Variants in CACNA2D4 observed in about 807,000 individuals in gnomAD.
CACNA2D4 encodes calcium voltage-gated channel auxiliary subunit alpha2delta 4, also known as voltage-dependent calcium channel subunit alpha-2/delta-4.
In CACNA2D4, 157 loss-of-function variants were observed where a neutral mutation model predicts 163.8. The observed-to-expected ratio is 0.96, with a 90% CI of 0.84 to 1.09. The LOEUF (loss-of-function observed/expected upper bound fraction) is 1.09. CACNA2D4 is among the 50% of genes least tolerant of loss of function. The pLI is 0.00. For missense variants in CACNA2D4, 1,410 were observed against 1,479.9 expected (o/e 0.95, Z 0.78); for synonymous variants, 598 against 586.9 (o/e 1.02, Z -0.27).
In CACNA2D4 at chr12:1,875,892, A is replaced by T. The variant is rs1206577149; in HGVS notation, c.1720-555T>A. Among the ~76,000 whole-genome samples the T allele has an allele frequency of 6.6e-6, 1 of 152,132 alleles. No homozygotes were observed. Among genetic ancestry groups the T allele is most frequent in the Non-Finnish European group, 1.5e-5 (1 of 68,004 alleles). On this transcript the variant is annotated intron_variant, in intron 16 of 37. Transcript: ENST00000382722. The surrounding 1 kb of genome is among the most constrained non-coding windows in gnomAD (Gnocchi z 4.0). ...CCCAGGACAAAAGCCAACCTTCCAA[A>T]TGGGGTCTGACCAGTGTGGCGTGGG... is the stretch of plus-strand genomic sequence containing the variant.
intron 6 of CACNA2D4, among the ~76,000 whole-genome samples, chr12:1,905,709 A>G (rs1866644490): frequency 6.6e-6 from 1 of 152,214 alleles, no homozygotes; most frequent in Admixed American, 6.5e-5. Context: ...GGACAGAAAT[A>G]ATGGAAACAC....
At chr12:1,825,711 T>A (rs1054659626) in intron 26 of CACNA2D4, among the ~76,000 whole-genome samples, 11 of 152,236 alleles carry the variant, frequency 7.2e-5, no homozygotes, top group Admixed American at 5.9e-4. Context: ...CAAGCACAGG[T>A]CTGGGAGGCC....
rs750113466 is a variant in CACNA2D4, at chr12:1,831,376, C to G, written c.2551+9363G>C. On this transcript the variant is annotated intron_variant, in intron 26 of 37. Coordinates refer to ENST00000382722, the MANE Select transcript of CACNA2D4 (RefSeq NM_172364.5). Reference sequence around the variant, plus strand: ...GGGCTCCTGGCTCTGCGCTCCCTCTCGCTTCGCTCCAACCGTCTGCAGAAT... The same window carrying G: ...GGGCTCCTGGCTCTGCGCTCCCTCTGGCTTCGCTCCAACCGTCTGCAGAAT... 8.4e-5 allele frequency: 136 copies of G among 1,613,910 alleles called. No homozygotes were observed. Among genetic ancestry groups the G allele is most frequent in the Non-Finnish European group, 1.1e-4 (133 of 1,180,044 alleles).
In CACNA2D4 at chr12:1,909,956, C is replaced by T. The variant is rs372717625; in HGVS notation, c.436G>A (p.Glu146Lys). Residue 146 changes from glutamate to lysine, a missense_variant, in exon 4 of 38, where the codon GAA (glutamate) becomes AAA (lysine). Coordinates refer to ENST00000382722, the MANE Select transcript of CACNA2D4 (RefSeq NM_172364.5). ...RKVEAVQNLV[E>K]AAEEADLNHE... ...TTCAGGTCGGCCTCCTCGGCAGCTT[C>T]CACCAGATTCTGAGGGATGGGAACA... is the stretch of plus-strand genomic sequence containing the variant. 6.2e-7 allele frequency: 1 copy of T among 1,613,598 alleles called. No homozygotes were observed. The highest frequency in any genetic ancestry group is 8.5e-7 in the Non-Finnish European group (1 of 1,179,716).
At chr12:1,819,361 G>A (rs1864003231) in intron 26 of CACNA2D4, among the ~76,000 whole-genome samples, 1 of 152,194 alleles carries the variant, frequency 6.6e-6, no homozygotes, top group African/African-American at 2.4e-5. Flanking sequence ...GCCTTGTGCT[G>A]CCCGGGGACC....
intron 29 of CACNA2D4, among the ~76,000 whole-genome samples, chr12:1,803,179 C>T (rs1863396973): frequency 6.6e-6 from 1 of 152,252 alleles, no homozygotes. Context: ...GTCTGGGTGC[C>T]CACCTGGGGC....
chr12:1,810,883 T>A (rs2154445827), intron 27 of CACNA2D4, among the ~76,000 whole-genome samples: 1 of 152,338 alleles, frequency 6.6e-6, no homozygotes, highest in East Asian at 1.9e-4. Flanking sequence ...GCATGTGGTA[T>A]GTGGCCTGCG....
chr12:1,908,049 G>A lies in CACNA2D4; in HGVS notation c.487-12C>T, dbSNP rs368298591. 12 of 1,603,586 alleles carry A rather than the reference G, an allele frequency of 7.5e-6. No individual in the cohort carries two copies. The highest frequency in any genetic ancestry group is 1.3e-5 in the African/African-American group (1 of 74,782). ...TTGTAATAGTCGAACTGGGGTGGAC[G>A]GGTGAGGCCCACGGAGGCGGCCCGA... On this transcript the variant is annotated splice_polypyrimidine_tract_variant and intron_variant, in intron 4 of 37. Transcript: ENST00000382722.
At chr12:1,890,920 T>C (rs146115051) in intron 6 of CACNA2D4, among the ~76,000 whole-genome samples, 1 of 152,292 alleles carries the variant, frequency 6.6e-6, no homozygotes, top group Non-Finnish European at 1.5e-5. Context: ...TGTCACCCAC[T>C]GTCCTGGGGA....
chr12:1,801,109 C>T lies in CACNA2D4; in HGVS notation c.2802G>A (p.Met934Ile), dbSNP rs1157057955. 3.1e-6 allele frequency: 5 copies of T among 1,613,896 alleles called. No homozygotes were observed. Among genetic ancestry groups the T allele is most frequent in the Non-Finnish European group, 4.2e-6 (5 of 1,179,810 alleles). The change falls in exon 31 of 38, where the codon ATG (methionine) becomes ATA (isoleucine). Residue 934 changes from methionine (M) to isoleucine (I), a missense_variant. Transcript: ENST00000382722. The stretch of plus-strand genomic sequence containing the variant: ...GTTTGCACATGGCCTGATAGTCATA[C>T]ATAGTCACTCTGAAAATCAGAAGCG... ...LSMGVFSQVTMYDYQAMCKPS... is the reference protein window; with the variant it reads ...LSMGVFSQVTIYDYQAMCKPS...
intron 18 of CACNA2D4, among the ~76,000 whole-genome samples, chr12:1,867,018 C>T (rs1865666328): frequency 6.6e-6 from 1 of 152,062 alleles, no homozygotes; most frequent in Non-Finnish European, 1.5e-5. Flanking sequence ...GTTTTTTCTT[C>T]TCTTGGCACT....
intron 6 of CACNA2D4, among the ~76,000 whole-genome samples, chr12:1,900,993 A>G (rs1866524281): frequency 6.6e-6 from 1 of 152,132 alleles, no homozygotes; most frequent in Non-Finnish European, 1.5e-5. Flanking sequence ...GAAATAACAT[A>G]AAGTATTTTC....
In CACNA2D4 at chr12:1,797,447, G is replaced by A. The variant is rs527356024; in HGVS notation, c.3084C>T (p.Asn1028=). Residue 1028 remains asparagine (N), a synonymous_variant, in exon 35 of 38, where the codon AAC becomes AAT. Coordinates refer to ENST00000382722, the MANE Select transcript of CACNA2D4 (RefSeq NM_172364.5). ...GGCAGGGCCCGCACTCCACGATCCCGTTGGCCTCCCGGATGGCCGGCTGGT... is the reference window on the plus strand; with the variant it reads ...GGCAGGGCCCGCACTCCACGATCCCATTGGCCTCCCGGATGGCCGGCTGGT... ...FVYQPAIREA[N]GIVECGPCQK... is the part of the protein sequence containing the mutation. 2 of 1,571,938 alleles carry A rather than the reference G, an allele frequency of 1.3e-6. No homozygotes were observed. Among genetic ancestry groups the A allele is most frequent in the Non-Finnish European group, 1.7e-6 (2 of 1,163,160 alleles).
intron 6 of CACNA2D4, among the ~76,000 whole-genome samples, chr12:1,906,230 G>C (rs955176522): frequency 5.9e-5 from 9 of 152,284 alleles, no homozygotes; most frequent in Admixed American, 5.9e-4. Context: ...AGAAAACATA[G>C]GGGAAACACT....
intron 6 of CACNA2D4, among the ~76,000 whole-genome samples, chr12:1,893,222 C>A (rs1326236903): frequency 6.6e-6 from 1 of 152,144 alleles, no homozygotes; most frequent in Non-Finnish European, 1.5e-5. Flanking sequence ...TTCTCCAGGA[C>A]AGATCATATA....
intron 26 of CACNA2D4, among the ~76,000 whole-genome samples, chr12:1,822,812 C>T (rs564364869): frequency 4.6e-5 from 7 of 152,300 alleles, no homozygotes; most frequent in East Asian, 1.9e-4. Flanking sequence ...CAGCGGTAGG[C>T]GGAGCCCAGC....
chr12:1,886,210 A>C lies in CACNA2D4; in HGVS notation c.993+13T>G. 6.2e-7 allele frequency: 1 copy of C among 1,611,572 alleles called. No homozygotes were observed. Among genetic ancestry groups the C allele is most frequent in the Non-Finnish European group, 8.5e-7 (1 of 1,177,806 alleles). On this transcript the variant is annotated intron_variant, in intron 8 of 37. Coordinates refer to ENST00000382722, the MANE Select transcript of CACNA2D4 (RefSeq NM_172364.5). Reference sequence around the variant, plus strand: ...CAAGTGAGAGCTATTCTAGAACAGGAAGGCACATTTACCGCTATGATATTA... The same window carrying C: ...CAAGTGAGAGCTATTCTAGAACAGGCAGGCACATTTACCGCTATGATATTA...
chr12:1,852,279 G>C (rs745897257), intron 23 of CACNA2D4, among the ~76,000 whole-genome samples: 3 of 152,112 alleles, frequency 2.0e-5, no homozygotes, highest in Non-Finnish European at 2.9e-5. Flanking sequence ...AGGCATGCTT[G>C]TCTTGTTCCT....
At chr12:1,889,042 A>T (rs1866218256) in intron 6 of CACNA2D4, among the ~76,000 whole-genome samples, 1 of 152,260 alleles carries the variant, frequency 6.6e-6, no homozygotes, top group Non-Finnish European at 1.5e-5. Flanking sequence ...GATTTTCCCA[A>T]CATCAATGAA....
Sources: gnomAD v4.1 joint callset for allele counts (sites outside exome capture counted in the v4.1 genomes callset) on GRCh38, gnomAD v4.1.1 for gene constraint, Gnocchi (gnomAD v3.1) non-coding constraint, MANE v1.5 for transcripts, NCBI Gene and HGNC (gene_info 2026-07-23, HGNC 2026-07-21) for gene names.